PLXNB2: variants seen among roughly 807,000 people sequenced by gnomAD.
PLXNB2 encodes the protein plexin-B2.
PLXNB2 carries 85 observed loss-of-function variants against 202.6 expected under a neutral mutation model. The observed-to-expected ratio is 0.42, with a 90% CI of 0.35 to 0.50. The LOEUF (loss-of-function observed/expected upper bound fraction) is 0.50. PLXNB2 is among the 20% of genes least tolerant of loss of function. The pLI, the probability that PLXNB2 is intolerant of heterozygous loss-of-function variation, is 0.02. For synonymous variants in PLXNB2, 1,239 were observed against 1,137.6 expected, an observed-to-expected ratio of 1.09 and a Z score of -1.79; for missense variants, 2,063 against 2,586.2, an observed-to-expected ratio of 0.80 and a Z score of 4.39.
chr22:50,276,401 C>G (rs879027505), intron 35 of PLXNB2, among the ~76,000 whole-genome samples: 71 of 8,814 alleles, frequency 8.1e-3, no homozygotes, highest in African/African-American at 0.02. Flanking sequence ...TGGGTGCAGC[C>G]GCAGGGAGGG....
Position 50,281,550 on chromosome 22 carries a change from G to GT in PLXNB2, c.3522+15dup. The GT allele has an allele frequency of 6.2e-7, 1 of 1,608,764 alleles. No individual in the cohort carries two copies. Among genetic ancestry groups the GT allele is most frequent in the Non-Finnish European group, 8.5e-7 (1 of 1,177,222 alleles). Reference sequence around the variant, plus strand: ...GGTCCCGTGGGGGCACCCCCCGCCAGTCCCCGCTCACGCACAATGAACTCG... The same window carrying GT: ...GGTCCCGTGGGGGCACCCCCCGCCAGTTCCCCGCTCACGCACAATGAACTCG... On this transcript the variant is annotated intron_variant, in intron 21 of 36. Transcript: ENST00000359337.
chr22:50,287,648 C>A lies in PLXNB2; in HGVS notation c.1608+19G>T, dbSNP rs1241326605. Reference sequence around the variant, plus strand: ...CCCGGCCTGGGGCCCAGGACCCCCACCCCAGACCCACCACGCACCTCCCCC... The same window carrying A: ...CCCGGCCTGGGGCCCAGGACCCCCAACCCAGACCCACCACGCACCTCCCCC... On this transcript the variant is annotated intron_variant, in intron 7 of 36. Transcript: ENST00000359337. The A allele has an allele frequency of 2.0e-6, 3 of 1,534,412 alleles. No individual in the cohort carries two copies. Among genetic ancestry groups the A allele is most frequent in the African/African-American group, 2.7e-5 (2 of 73,074 alleles).
chr22:50,287,905 G>T, intron 6 of PLXNB2, 32 bp downstream of exon 6: 1 of 1,581,400 alleles, frequency 6.3e-7, no homozygotes, highest in East Asian at 2.3e-5. Context: ...CCCAGAGGCA[G>T]GCCGTGTCCC....
chr22:50,283,570 T>A, intron 15 of PLXNB2, 32 bp downstream of exon 15: 1 of 1,514,612 alleles, frequency 6.6e-7, no homozygotes, highest in Non-Finnish European at 8.9e-7. Context: ...CTGACCCAGC[T>A]GACAGGGCCC....
chr22:50,286,897 G>A (rs1230412293), intron 8 of PLXNB2, among the ~76,000 whole-genome samples: 5 of 152,176 alleles, frequency 3.3e-5, no homozygotes, highest in African/African-American at 1.2e-4. Context: ...CTACAGGCCT[G>A]GGGGGCGTGG....
intron 35 of PLXNB2, among the ~76,000 whole-genome samples, chr22:50,276,361 C>A (rs1350835577): frequency 4.1e-5 from 6 of 145,086 alleles, no homozygotes; most frequent in African/African-American, 1.5e-4. Flanking sequence ...AGGGTGCAGC[C>A]GCAGGGAGGG....
At chr22:50,282,601 C>A in intron 18 of PLXNB2, 110 bp downstream of exon 18, 2 of 815,224 alleles carry the variant, frequency 2.5e-6, no homozygotes, top group Non-Finnish European at 3.7e-6. Context: ...AGGCCGCCTC[C>A]CGCTGCACAG....
At position 50,295,974 on chromosome 22, in the gene PLXNB2, C is replaced by T. The variant is rs150931039; in HGVS notation, c.-73-1196G>A. 2.1e-3 allele frequency among the ~76,000 whole-genome samples: 319 copies of T among 152,138 alleles called. 1 individual carries two copies. The highest frequency in any genetic ancestry group is 7.2e-3 in the African/African-American group (300 of 41,496). The stretch of plus-strand genomic sequence containing the variant: ...AAAATTAGCCGGGCGTAGTGGTGCG[C>T]GCCTGTAATCCCAACTACTCAGGAG... On this transcript the variant is annotated intron_variant, in intron 1 of 36. Transcript: ENST00000359337.
Position 50,276,687 on chromosome 22 carries a change from C to T in PLXNB2, c.5279G>A (p.Arg1760Gln), listed in dbSNP as rs770951350. 3.7e-5 allele frequency: 59 copies of T among 1,613,576 alleles called. No individual in the cohort carries two copies. Among genetic ancestry groups the T allele is most frequent in the South Asian group, 1.5e-4 (14 of 91,082 alleles). The change falls in exon 35 of 37, where the codon CGG (arginine) becomes CAG (glutamine). Residue 1760 changes from arginine (R) to glutamine (Q), a missense_variant. This residue lies in a region of PLXNB2 where 760 missense variants were observed against 1,109.4 expected (regional missense o/e 0.69). Coordinates refer to ENST00000359337, the MANE Select transcript of PLXNB2 (RefSeq NM_012401.4). Reference sequence around the variant, plus strand: ...CTGGTCGCTGACCTGCACCATCTGCCGGATCCCCTTGTAGTAACTGCAGGG... The same window carrying T: ...CTGGTCGCTGACCTGCACCATCTGCTGGATCCCCTTGTAGTAACTGCAGGG... ...KMVEDYYKGI[R>Q]QMVQVSDQDM...
rs1319603807 is a variant in PLXNB2 at position 50,284,389 on chromosome 22, G to A, written c.2182-176C>T. The A allele has an allele frequency of 1.4e-6, 1 of 734,436 alleles. No individual in the cohort carries two copies. The highest frequency in any genetic ancestry group is 1.7e-5 in the African/African-American group (1 of 57,388). 45.5% of individuals were successfully genotyped at this position (734,436 alleles called of 1,614,324 possible). The stretch of plus-strand genomic sequence containing the variant: ...CATGGACGCTGCTCTGTGCCACTCT[G>A]TCCCCAGGGAGGCAGAGGGCAGAGG... On this transcript the variant is annotated intron_variant, in intron 12 of 36. Coordinates refer to ENST00000359337, the MANE Select transcript of PLXNB2 (RefSeq NM_012401.4). This position sits in a 1 kb window ranked among gnomAD's most constrained non-coding sequence, Gnocchi z 8.0.
At chr22:50,280,217 G>T in intron 25 of PLXNB2, 146 bp from the exon 26 acceptor site, 1 of 668,016 alleles carries the variant, frequency 1.5e-6, no homozygotes, top group Non-Finnish European at 2.5e-6. Flanking sequence ...CCTGGTGGCA[G>T]CTCCAGCCCT....
intron 2 of PLXNB2, among the ~76,000 whole-genome samples, chr22:50,292,515 T>C (rs1377965356): frequency 6.6e-6 from 1 of 152,098 alleles, no homozygotes; most frequent in East Asian, 1.9e-4. Context: ...ACCGCGGGCA[T>C]GGGTGGGGCT....
At position 50,289,314 on chromosome 22, in the gene PLXNB2, T is replaced by C. The variant is rs1399419488; in HGVS notation, c.1069-172A>G. Among the ~76,000 whole-genome samples the C allele has an allele frequency of 4.0e-5, 6 of 151,828 alleles. No homozygotes were observed. The highest frequency in any genetic ancestry group is 4.4e-5 in the Non-Finnish European group (3 of 67,948). ...GAGCCCCACCGTGCTCACTGTTGTG[T>C]TCCCCAGTGCCCGACACAGGCCTGG... On this transcript the variant is annotated intron_variant, in intron 3 of 36. Transcript: ENST00000359337. This position sits in a 1 kb window ranked among gnomAD's most constrained non-coding sequence, Gnocchi z 8.0.
intron 1 of PLXNB2, among the ~76,000 whole-genome samples, chr22:50,295,276 G>C (rs994902061): frequency 7.1e-6 from 1 of 141,046 alleles, no homozygotes; most frequent in Non-Finnish European, 1.5e-5. Flanking sequence ...AGCGGAGATC[G>C]CACCACTACA....
intron 1 of PLXNB2, among the ~76,000 whole-genome samples, chr22:50,303,075 C>T (rs62241210): frequency 0.41 from 61,685 of 150,102 alleles, 13,044 homozygotes; most frequent in South Asian, 0.62. Flanking sequence ...CACCCTACCA[C>T]GTCTGAGTCA....
intron 24 of PLXNB2, 30 bp downstream of exon 24, chr22:50,280,714 G>GGGGCCCC: frequency 2.0e-6 from 3 of 1,528,940 alleles, no homozygotes; most frequent in Non-Finnish European, 8.9e-7. Flanking sequence ...CCACCTGTGT[G>GGGGCCCC]CCCTCCCGCC....
chr22:50,292,394 C>G (rs1287091769), intron 2 of PLXNB2, among the ~76,000 whole-genome samples: 5 of 148,350 alleles, frequency 3.4e-5, no homozygotes, highest in Non-Finnish European at 7.5e-5. Flanking sequence ...CCACAAAATG[C>G]AAATGTTTCC....
chr22:50,292,548 G>A (rs1022729445), intron 2 of PLXNB2, among the ~76,000 whole-genome samples: 21 of 152,246 alleles, frequency 1.4e-4, no homozygotes, highest in African/African-American at 4.8e-4. Flanking sequence ...TGCAGTGGGA[G>A]CAGCTTGGCC....
chr22:50,277,122 C>T (rs1438116763), intron 33 of PLXNB2, among the ~76,000 whole-genome samples: 1 of 152,128 alleles, frequency 6.6e-6, no homozygotes, highest in African/African-American at 2.4e-5. Flanking sequence ...GCCTGCCCAA[C>T]ATGGTGAAAC....
Sources: gnomAD v4.1 joint callset for allele counts (sites outside exome capture counted in the v4.1 genomes callset) on GRCh38, gnomAD v4.1.1 for gene constraint, gnomAD v4.1.1 regional missense constraint, Gnocchi (gnomAD v3.1) non-coding constraint, MANE v1.5 for transcripts, NCBI Gene and HGNC (gene_info 2026-07-23, HGNC 2026-07-21) for gene names.